RPS10: variants seen among roughly 807,000 people sequenced by gnomAD.
RPS10 encodes ribosomal protein S10, also known as small ribosomal subunit protein eS10.
Under a neutral mutation model 22.6 loss-of-function variants are expected in RPS10, and 2 were observed. The observed-to-expected ratio is 0.09, with a 90% CI of 0.04 to 0.28. RPS10 has a LOEUF of 0.28. RPS10 is among the 10% of genes least tolerant of loss of function. The pLI is 1.00. For missense variants in RPS10, 137 were observed against 222.2 expected, an observed-to-expected ratio of 0.62 and a Z score of 2.44; for synonymous variants, 70 against 75.9, an observed-to-expected ratio of 0.92 and a Z score of 0.40.
At chr6:34,423,154 G>A (rs1418446062) in intron 3 of RPS10, among the ~76,000 whole-genome samples, 1 of 151,600 alleles carries the variant, frequency 6.6e-6, no homozygotes, top group Non-Finnish European at 1.5e-5. Flanking sequence ...GAGTCCATAT[G>A]ATTAGAATAT....
At chr6:34,425,871 T>G (rs4713779) in intron 1 of RPS10, 161 bp downstream of exon 1, 13,646 of 155,644 alleles carry the variant, frequency 0.088, 1,369 homozygotes, top group East Asian at 0.44. Flanking sequence ...AGCGGCCCCC[T>G]ACCCCATAAA....
intron 3 of RPS10, chr6:34,424,162 A>AAAAAAAAAAAAC (rs1561939860): frequency 6.6e-6 from 1 of 150,854 alleles, no homozygotes; most frequent in Non-Finnish European, 1.5e-5. Flanking sequence ...AAAAAAAAAA[A>AAAAAAAAAAAAC]AAGCAACTGT....
At chr6:34,418,056 T>C in intron 5 of RPS10, 1 of 849,320 alleles carries the variant, frequency 1.2e-6, no homozygotes, top group South Asian at 1.8e-5. Flanking sequence ...GATGGAGGAT[T>C]TGATTTCATA....
At position 34,423,363 on chromosome 6, in the gene RPS10, C is replaced by T. The variant is rs140319275; in HGVS notation, c.322+1306G>A. Among the ~76,000 whole-genome samples, 460 of 152,214 alleles carry T rather than the reference C, an allele frequency of 3.0e-3. 2 individuals are homozygous for T. Among genetic ancestry groups the T allele is most frequent in the Middle Eastern group, 6.8e-3 (2 of 294 alleles). On this transcript the variant is annotated intron_variant, in intron 3 of 5. Transcript: ENST00000648437. ...CCTTAGCTGGTCTCAAACTCCTGGA[C>T]TCAAGTAGTCTTCCTGCCTTGGCCT...
At chr6:34,419,909 G>T (rs1581924690) in intron 4 of RPS10, among the ~76,000 whole-genome samples, 1 of 152,110 alleles carries the variant, frequency 6.6e-6, no homozygotes, top group East Asian at 1.9e-4. Flanking sequence ...GGGGGGCAGG[G>T]TCTCACTCTG....
intron 1 of RPS10, 157 bp from the exon 2 acceptor site, chr6:34,425,378 C>A: frequency 9.2e-6 from 8 of 867,392 alleles, no homozygotes; most frequent in East Asian, 5.4e-5. Flanking sequence ...AGGCCAGCTC[C>A]GTCAGTCCCC....
At chr6:34,418,486 AGACAACTCACT>A in intron 4 of RPS10, 62 bp from the exon 5 acceptor site, 1 of 1,612,068 alleles carries the variant, frequency 6.2e-7, no homozygotes, top group Non-Finnish European at 8.5e-7. Flanking sequence ...GAACAAGGGA[AGACAACTCACT>A]GACTCCAATC....
chr6:34,418,396 C>T lies in RPS10; in HGVS notation c.429G>A (p.Gly143=). 1.9e-6 allele frequency: 3 copies of T among 1,614,088 alleles called. No homozygotes were observed. The highest frequency in any genetic ancestry group is 2.5e-6 in the Non-Finnish European group (3 of 1,180,004). The stretch of plus-strand genomic sequence containing the variant: ...ACTGGAATTCGGTTGCTGACCCAGC[C>T]CCAGCCTCGGCTTTCTTGTCGGCAC... ...PPGADKKAEA[G]AGSATEFQFR... The change falls in exon 5 of 6, where the codon GGG becomes GGA. Residue 143 remains glycine, a synonymous_variant. Coordinates refer to ENST00000648437, the MANE Select transcript of RPS10 (RefSeq NM_001014.5).
intron 4 of RPS10, among the ~76,000 whole-genome samples, chr6:34,421,083 A>G (rs912525351): frequency 1.4e-5 from 2 of 140,042 alleles, no homozygotes; most frequent in Non-Finnish European, 3.0e-5. Context: ...AAAGCTCCAC[A>G]TTTTACCGAA....
At chr6:34,423,665 CCTGAGGT>C (rs1395977498) in intron 3 of RPS10, among the ~76,000 whole-genome samples, 1 of 152,090 alleles carries the variant, frequency 6.6e-6, no homozygotes, top group East Asian at 1.9e-4. Context: ...TGGTGGATCA[CCTGAGGT>C]CAGGAGTTCG....
intron 3 of RPS10, among the ~76,000 whole-genome samples, chr6:34,422,304 AG>A (rs1314143532): frequency 6.6e-6 from 1 of 152,152 alleles, no homozygotes; most frequent in African/African-American, 2.4e-5. Context: ...ATATTAAGGC[AG>A]AAACTTTATT....
At chr6:34,420,509 T>A (rs527792231) in intron 4 of RPS10, among the ~76,000 whole-genome samples, 1 of 152,224 alleles carries the variant, frequency 6.6e-6, no homozygotes, top group Non-Finnish European at 1.5e-5. Context: ...TGAGCCACTG[T>A]GCCTGGCCCA....
Position 34,422,606 on chromosome 6 carries a change from C to T in RPS10, c.323-799G>A, listed in dbSNP as rs116916768. ...ATGGGATTATAGGCACGAGCCACCA[C>T]GCCCAGGCTAATTTTTTTTGGTTGG... On this transcript the variant is annotated intron_variant, in intron 3 of 5. Transcript: ENST00000648437. Among the ~76,000 whole-genome samples the T allele has an allele frequency of 2.5e-3, 383 of 152,174 alleles. 1 individual carries two copies. The highest frequency in any genetic ancestry group is 0.011 in the East Asian group (54 of 5,106).
In RPS10 at chr6:34,424,824, C is replaced by G. The variant is rs1765897804; in HGVS notation, c.167G>C (p.Gly56Ala). The G allele has an allele frequency of 6.2e-7, 1 of 1,613,840 alleles. No homozygotes were observed. Among genetic ancestry groups the G allele is most frequent in the Non-Finnish European group, 8.5e-7 (1 of 1,180,030 alleles). Residue 56 changes from glycine (G) to alanine (A), a missense_variant, in exon 3 of 6, where the codon GGC becomes GCC. Coordinates refer to ENST00000648437, the MANE Select transcript of RPS10 (RefSeq NM_001014.5). ...MKAMQSLKSR[G>A]YVKEQFAWRH... is the part of the protein sequence containing the mutation. Reference sequence around the variant, plus strand: ...CCAGGCAAACTGTTCCTTCACGTAGCCTCGGGACTTGAGAGACTGTAAGGC... The same window carrying G: ...CCAGGCAAACTGTTCCTTCACGTAGGCTCGGGACTTGAGAGACTGTAAGGC...
intron 5 of RPS10, 197 bp from the exon 6 acceptor site, chr6:34,417,744 C>G: frequency 1.4e-6 from 1 of 722,442 alleles, no homozygotes; most frequent in East Asian, 2.7e-5. Context: ...AGGCCCATTT[C>G]TTCATTGGTA....
intron 5 of RPS10, 86 bp downstream of exon 5, chr6:34,418,281 CTA>C: frequency 6.2e-7 from 1 of 1,606,596 alleles, no homozygotes; most frequent in Non-Finnish European, 8.5e-7. Flanking sequence ...CCCACCCATA[CTA>C]TATGACATCC....
chr6:34,419,929 C>T (rs972856455), intron 4 of RPS10, among the ~76,000 whole-genome samples: 1 of 152,004 alleles, frequency 6.6e-6, no homozygotes, highest in Non-Finnish European at 1.5e-5. Context: ...GTTGCCCAGG[C>T]TGGAATGTAG....
chr6:34,418,456 A>G (rs752276242), intron 4 of RPS10, 32 bp from the exon 5 acceptor site: 3 of 1,614,156 alleles, frequency 1.9e-6, no homozygotes, highest in South Asian at 2.2e-5. Flanking sequence ...TAGAATCATC[A>G]TATGATCTAA....
chr6:34,417,626 C>CTGG, intron 5 of RPS10, 79 bp from the exon 6 acceptor site: 1 of 1,404,976 alleles, frequency 7.1e-7, no homozygotes, highest in Non-Finnish European at 1.0e-6. Context: ...TTTCAGGCCT[C>CTGG]ATTATAACTC....
Sources: allele counts gnomAD v4.1 joint callset (sites outside exome capture counted in the v4.1 genomes callset), GRCh38; gene constraint gnomAD v4.1.1; transcripts MANE v1.5; gene names NCBI Gene and HGNC (gene_info 2026-07-23, HGNC 2026-07-21).